The following CSPG4 variants were observed in gnomAD, a reference collection of about 807,000 sequenced individuals.
The protein encoded by CSPG4 is chondroitin sulfate proteoglycan 4 (melanoma-associated).
A neutral mutation model predicts 139.3 loss-of-function variants in CSPG4; 74 were observed. That is an observed-to-expected ratio of 0.53 (90% confidence interval 0.44 to 0.64). The LOEUF is 0.64. Among genes scored for constraint, CSPG4 ranks in the 30% least tolerant of loss-of-function variants. CSPG4 has a pLI of 0.00. For missense variants in CSPG4, 2,565 were observed against 3,148.3 expected (o/e 0.81, Z 4.43); for synonymous variants, 1,234 against 1,394.2 (o/e 0.89, Z 2.56).
chr15:75,692,868 G>T (rs1477497683), intron 2 of CSPG4, among the ~76,000 whole-genome samples: 1 of 152,156 alleles, frequency 6.6e-6, no homozygotes, highest in Non-Finnish European at 1.5e-5. Flanking sequence ...GGGAAACATG[G>T]TTGGAGGGAG....
At chr15:75,713,294 C>T (rs1358978389), upstream of CSPG4, among the ~76,000 whole-genome samples, 3 of 152,178 alleles carry the variant, frequency 2.0e-5, no homozygotes, top group Non-Finnish European at 4.4e-5. Flanking sequence ...CTAGGAACTT[C>T]TCCAGACTCC....
At position 75,685,282 on chromosome 15, in the gene CSPG4, A is replaced by G; in HGVS notation, c.4209T>C (p.His1403=). The G allele has an allele frequency of 1.3e-6, 2 of 1,575,238 alleles. No individual in the cohort carries two copies. Among genetic ancestry groups the G allele is most frequent in the Non-Finnish European group, 1.7e-6 (2 of 1,158,380 alleles). ...LSLQVLEPPQ[H]GALQKEDGPQ... is the part of the protein sequence containing the mutation. Reference sequence around the variant, plus strand: ...GTCCGTCCTCCTTCTGCAGGGCTCCATGCTGGGGTGGCTCCAGCACCTGCA... The same window carrying G: ...GTCCGTCCTCCTTCTGCAGGGCTCCGTGCTGGGGTGGCTCCAGCACCTGCA... The change falls in exon 4 of 10, where the codon CAT becomes CAC. Residue 1403 remains histidine (H), a synonymous_variant. Transcript: ENST00000308508.
intron 5 of CSPG4, among the ~76,000 whole-genome samples, chr15:75,684,115 G>A (rs1430010198): frequency 1.3e-5 from 2 of 152,076 alleles, no homozygotes; most frequent in Non-Finnish European, 2.9e-5. Flanking sequence ...GCTGACCGGG[G>A]AGGATGCACC....
Position 75,689,072 on chromosome 15 carries a change from T to A in CSPG4, c.1993A>T (p.Ile665Phe), listed in dbSNP as rs778285954. The change falls in exon 3 of 10, where the codon ATC becomes TTC. Residue 665 changes from isoleucine to phenylalanine, a missense_variant. By Grantham distance (21) the Ile-to-Phe change is conservative (BLOSUM62 0). Coordinates refer to ENST00000308508, the MANE Select transcript of CSPG4 (RefSeq NM_001897.5). Reference protein sequence around the residue: ...KVVAIRPAIQIHRSTGLRLAQ... With the variant: ...KVVAIRPAIQFHRSTGLRLAQ... Reference sequence around the variant, plus strand: ...AGTCGCAACCCTGTGCTGCGGTGGATCTGTATGGCCGGCCGGATGGCCACC... The same window carrying A: ...AGTCGCAACCCTGTGCTGCGGTGGAACTGTATGGCCGGCCGGATGGCCACC... 6.2e-7 allele frequency: 1 copy of A among 1,608,894 alleles called. No homozygotes were observed. The highest frequency in any genetic ancestry group is 2.2e-5 in the East Asian group (1 of 44,798).
chr15:75,699,935 C>CCTCA (rs1894279601), intron 1 of CSPG4, among the ~76,000 whole-genome samples: 1 of 152,156 alleles, frequency 6.6e-6, no homozygotes, highest in South Asian at 2.1e-4. Context: ...GACCTGGGAC[C>CCTCA]CTCACCTCAG....
Position 75,677,771 on chromosome 15 carries a change from G to C in CSPG4, c.5066C>G (p.Thr1689Ser). 2 of 1,611,476 alleles carry C rather than the reference G, an allele frequency of 1.2e-6. No individual in the cohort carries two copies. The highest frequency in any genetic ancestry group is 2.7e-5 in the African/African-American group (2 of 74,832). The change falls in exon 9 of 10, where the codon ACC becomes AGC. Residue 1689 changes from threonine to serine, a missense_variant. Thr to Ser is a moderately conservative substitution (Grantham distance 58, BLOSUM62 1). This residue lies in a region of CSPG4 where 2,316 missense variants were observed against 2,818.2 expected (regional missense o/e 0.82). Transcript: ENST00000308508. ...SSPPARDVAA[T>S]LAVAVSFEAA... ...CTCAAAAGACACAGCCACAGCAAGG[G>C]TGGCGGCCACGTCCCGGGCAGGCGG...
chr15:75,682,271 G>A, intron 8 of CSPG4, 22 bp downstream of exon 8: 1 of 1,596,492 alleles, frequency 6.3e-7, no homozygotes, highest in Non-Finnish European at 8.5e-7. Context: ...TCTGAGTGGT[G>A]GCTGCAAAGT....
intron 1 of CSPG4, among the ~76,000 whole-genome samples, chr15:75,705,170 C>G (rs1894354573): frequency 6.6e-6 from 1 of 152,218 alleles, no homozygotes; most frequent in Non-Finnish European, 1.5e-5. Context: ...TCTTCTAGCA[C>G]TGAGAGAGGG....
chr15:75,682,230 A>G (rs149646563), intron 8 of CSPG4, 63 bp downstream of exon 8: 18 of 1,577,294 alleles, frequency 1.1e-5, no homozygotes, highest in Non-Finnish European at 1.2e-5. Context: ...CATGATGTCC[A>G]TGGCACAGCG....
Position 75,676,824 on chromosome 15 carries a change from C to T in CSPG4, c.5695G>A (p.Val1899Met), listed in dbSNP as rs1317353632. ...GPVTRFTQAD[V>M]DSGRLAFVAN... ...ACGAAGGCCAGCCGCCCTGAATCCA[C>T]ATCGGCTTGCGTGAAGCGGGTCACG... Residue 1899 changes from valine to methionine, a missense_variant, in exon 10 of 10, where the codon GTG (valine) becomes ATG (methionine). By Grantham distance (21) the Val-to-Met change is conservative. Transcript: ENST00000308508. 2 of 1,547,570 alleles carry T rather than the reference C, an allele frequency of 1.3e-6. No individual in the cohort carries two copies. The highest frequency in any genetic ancestry group is 1.7e-6 in the Non-Finnish European group (2 of 1,146,730).
At chr15:75,708,917 G>A (rs1332793000) in intron 1 of CSPG4, among the ~76,000 whole-genome samples, 2 of 152,182 alleles carry the variant, frequency 1.3e-5, no homozygotes, top group African/African-American at 4.8e-5. Flanking sequence ...AGCTACTCAG[G>A]AGGCTGAGGT....
In CSPG4 at chr15:75,677,247, C is replaced by T. The variant is rs1330725231; in HGVS notation, c.5272G>A (p.Gly1758Ser). The T allele has an allele frequency of 6.7e-6, 10 of 1,489,010 alleles. No individual in the cohort carries two copies. Among genetic ancestry groups the T allele is most frequent in the Non-Finnish European group, 8.1e-6 (9 of 1,114,964 alleles). 92.2% of individuals were successfully genotyped at this position (1,489,010 alleles called of 1,614,324 possible). A position where few individuals can be genotyped will look rare whatever the true frequency, so the allele number is the denominator to read the frequency against. The change falls in exon 10 of 10, where the codon GGC becomes AGC. Residue 1758 changes from glycine to serine, a missense_variant. Gly to Ser is a moderately conservative substitution (Grantham distance 56). This residue lies in a region of CSPG4 where 2,316 missense variants were observed against 2,818.2 expected (regional missense o/e 0.82). Transcript: ENST00000308508. ...LFQVTQFPSR[G>S]QLLVSEEPLH... The stretch of plus-strand genomic sequence containing the variant: ...GGCTCCTCGGACACCAACAGCTGGC[C>T]CCGGCTGGGGAACTGTGTGACCTGG...
chr15:75,677,659 C>T, intron 9 of CSPG4, 44 bp downstream of exon 9: 1 of 1,550,286 alleles, frequency 6.5e-7, no homozygotes, highest in Non-Finnish European at 8.7e-7. Context: ...GGGCCTCTCC[C>T]ATTGTCCCTC....
chr15:75,677,944 T>G, intron 8 of CSPG4, 58 bp from the exon 9 acceptor site: 1 of 1,494,432 alleles, frequency 6.7e-7, no homozygotes, highest in Non-Finnish European at 9.0e-7. Flanking sequence ...GTCCAGACAC[T>G]GAGCACTTTT....
At position 75,685,267 on chromosome 15, in the gene CSPG4, C is replaced by T; in HGVS notation, c.4224G>A (p.Lys1408=). Residue 1408 remains lysine, a synonymous_variant, in exon 4 of 10, where the codon AAG becomes AAA. Coordinates refer to ENST00000308508, the MANE Select transcript of CSPG4 (RefSeq NM_001897.5). ...GGGTCCTGGCTTGAGGTCCGTCCTC[C>T]TTCTGCAGGGCTCCATGCTGGGGTG... ...LEPPQHGALQ[K]EDGPQARTLS... is the part of the protein sequence containing the mutation. 6.4e-7 allele frequency: 1 copy of T among 1,554,036 alleles called. No homozygotes were observed. The highest frequency in any genetic ancestry group is 8.7e-7 in the Non-Finnish European group (1 of 1,148,724).
At chr15:75,702,539 C>T (rs747578960) in intron 1 of CSPG4, among the ~76,000 whole-genome samples, 3 of 152,202 alleles carry the variant, frequency 2.0e-5, no homozygotes, top group Non-Finnish European at 2.9e-5. Context: ...CCCACCAGGG[C>T]ATGAGGGCCA....
Position 75,689,512 on chromosome 15 carries a change from A to T in CSPG4, c.1553T>A (p.Leu518Gln), listed in dbSNP as rs1242786386. The stretch of plus-strand genomic sequence containing the variant: ...AGCCGTCACCGACACCTCCAGCACC[A>T]GCTGGTCGGAGGTGTCCTCAGAGCC... ...HDGSEDTSDQLVLEVSVTARV... is the reference protein window; with the variant it reads ...HDGSEDTSDQQVLEVSVTARV... The change falls in exon 3 of 10, where the codon CTG (leucine) becomes CAG (glutamine). Residue 518 changes from leucine to glutamine, a missense_variant. By Grantham distance (113) the Leu-to-Gln change is moderately radical. Transcript: ENST00000308508. The T allele has an allele frequency of 6.3e-7, 1 of 1,580,296 alleles. No homozygotes were observed. The highest frequency in any genetic ancestry group is 8.6e-7 in the Non-Finnish European group (1 of 1,169,108).
In CSPG4 at chr15:75,680,433, A is replaced by G. The variant is rs571422438; in HGVS notation, c.4950+1860T>C. On this transcript the variant is annotated intron_variant, in intron 8 of 9. Coordinates refer to ENST00000308508, the MANE Select transcript of CSPG4 (RefSeq NM_001897.5). ...TTAATTTCCCAAAGGTTATATGTTG[A>G]CAATTAACTTCAAAGTATTAGCTGC... The G allele has an allele frequency of 5.9e-5, 9 of 152,434 alleles. No individual in the cohort carries two copies. In the East Asian group the frequency reaches 1.7e-3, roughly 29 times the overall value. The allele number at this position is 152,434 out of a possible 1,614,324, so 9.4% of individuals were successfully genotyped here.
intron 1 of CSPG4, among the ~76,000 whole-genome samples, chr15:75,705,654 A>C (rs530443122): frequency 1.3e-5 from 2 of 152,316 alleles, no homozygotes; most frequent in African/African-American, 4.8e-5. Flanking sequence ...GCCGTGTTTC[A>C]CCACCATGTG....
Sources: allele counts gnomAD v4.1 joint callset (sites outside exome capture counted in the v4.1 genomes callset), GRCh38; gene constraint gnomAD v4.1.1; regional missense constraint gnomAD v4.1.1; transcripts MANE v1.5; gene names NCBI Gene and HGNC (gene_info 2026-07-23, HGNC 2026-07-21).